AIDA: variants seen among roughly 807,000 people sequenced by gnomAD.
AIDA encodes axin interactor, dorsalization-associated protein.
AIDA carries 18 observed loss-of-function variants against 42.7 expected under a neutral mutation model. That is an observed-to-expected ratio of 0.42 (90% CI 0.29 to 0.63). AIDA has a LOEUF of 0.63. AIDA is among the 20% of genes least tolerant of loss of function. The pLI is 0.19. For synonymous variants in AIDA, 104 were observed against 122.9 expected (o/e 0.85, Z 1.02); for missense variants, 250 against 354.1 (o/e 0.71, Z 2.36).
chr1:222,677,344 C>T (rs963151199), intron 6 of AIDA, among the ~76,000 whole-genome samples: 25 of 152,186 alleles, frequency 1.6e-4, no homozygotes, highest in African/African-American at 6.0e-4. Context: ...GTTCTAAATA[C>T]ATATTCATAA....
intron 2 of AIDA, among the ~76,000 whole-genome samples, chr1:222,694,730 G>A (rs1025677083): frequency 6.6e-6 from 1 of 152,118 alleles, no homozygotes; most frequent in Non-Finnish European, 1.5e-5. Flanking sequence ...TGTGATAAAC[G>A]GTAGTAAATT....
In AIDA at chr1:222,711,148, A is replaced by G. The variant is rs1284125141; in HGVS notation, c.110+1060T>C. Among the ~76,000 whole-genome samples the G allele has an allele frequency of 2.6e-5, 4 of 152,192 alleles. No individual in the cohort carries two copies. In the East Asian group the frequency reaches 7.7e-4, roughly 29 times the overall value. ...CTCATACGTGGTTTCATACTCAGTG[A>G]AATCTCAAACAATAACTTGCTTTAA... is the stretch of plus-strand genomic sequence containing the variant. On this transcript the variant is annotated intron_variant, in intron 1 of 9. Coordinates refer to ENST00000340020, the MANE Select transcript of AIDA (RefSeq NM_022831.4).
chr1:222,680,658 C>G (rs1405457838), intron 6 of AIDA, among the ~76,000 whole-genome samples: 1 of 152,190 alleles, frequency 6.6e-6, no homozygotes, highest in African/African-American at 2.4e-5. Context: ...TTTATCAATG[C>G]AGCAATGGAT....
intron 6 of AIDA, among the ~76,000 whole-genome samples, chr1:222,678,630 A>G (rs1664598042): frequency 6.6e-6 from 1 of 152,166 alleles, no homozygotes; most frequent in Admixed American, 6.5e-5. Flanking sequence ...AAGATACTTA[A>G]TTTATTCAGT....
chr1:222,685,290 T>G (rs1207601771), intron 6 of AIDA, among the ~76,000 whole-genome samples: 2 of 152,208 alleles, frequency 1.3e-5, no homozygotes, highest in Non-Finnish European at 2.9e-5. Flanking sequence ...CACAGTAACC[T>G]TATGAGTTAG....
intron 1 of AIDA, 72 bp from the exon 2 acceptor site, chr1:222,703,289 G>A (rs1212487594): frequency 2.4e-5 from 28 of 1,180,970 alleles, no homozygotes; most frequent in Non-Finnish European, 3.2e-5. Flanking sequence ...ACAATTTAAA[G>A]CTTTTTAACA....
At chr1:222,670,062 A>T in intron 9 of AIDA, 71 bp downstream of exon 9, 2 of 1,607,840 alleles carry the variant, frequency 1.2e-6, no homozygotes, top group South Asian at 1.1e-5. Flanking sequence ...AATACTGGAT[A>T]TGGGGGATTC....
At chr1:222,710,074 GTCAAT>G (rs1310067812) in intron 1 of AIDA, among the ~76,000 whole-genome samples, 1 of 152,086 alleles carries the variant, frequency 6.6e-6, no homozygotes, top group Admixed American at 6.6e-5. Context: ...ACTAAATCCT[GTCAAT>G]TCTTGTTTAC....
intron 1 of AIDA, among the ~76,000 whole-genome samples, chr1:222,707,372 G>A (rs1240153546): frequency 1.3e-5 from 2 of 152,102 alleles, no homozygotes; most frequent in Non-Finnish European, 2.9e-5. Context: ...TGCCAAGGCT[G>A]GTCTTGAACT....
intron 2 of AIDA, among the ~76,000 whole-genome samples, chr1:222,695,659 CAT>C (rs202164147): frequency 0.014 from 2,073 of 151,786 alleles, 51 homozygotes; most frequent in African/African-American, 0.048. Flanking sequence ...ATATAAGAAA[CAT>C]ATATCAGGGC....
chr1:222,698,832 T>C (rs1015586247), intron 2 of AIDA, among the ~76,000 whole-genome samples: 3 of 151,820 alleles, frequency 2.0e-5, no homozygotes, highest in African/African-American at 7.3e-5. Flanking sequence ...ATGTTTTGTG[T>C]TTGTTTGTTT....
At chr1:222,689,469 A>ATGTGTG (rs770894575) in intron 4 of AIDA, among the ~76,000 whole-genome samples, 852 of 61,216 alleles carry the variant, frequency 0.014, 25 homozygotes, top group African/African-American at 0.045. Flanking sequence ...GAAAATATGT[A>ATGTGTG]TGTGTGTGTG....
intron 7 of AIDA, 63 bp downstream of exon 7, chr1:222,676,033 C>T: frequency 6.7e-7 from 1 of 1,500,916 alleles, no homozygotes; most frequent in South Asian, 1.4e-5. Flanking sequence ...ATAAAACTGT[C>T]CCAAATGAGA....
At chr1:222,683,050 G>T (rs1664680916) in intron 6 of AIDA, among the ~76,000 whole-genome samples, 1 of 152,076 alleles carries the variant, frequency 6.6e-6, no homozygotes, top group Admixed American at 6.6e-5. Flanking sequence ...AGGAACATGG[G>T]TTCCTCAAGC....
intron 7 of AIDA, among the ~76,000 whole-genome samples, chr1:222,674,423 T>G (rs1453066509): frequency 1.3e-5 from 2 of 152,266 alleles, no homozygotes; most frequent in Non-Finnish European, 2.9e-5. Context: ...CAATAAAAAC[T>G]TAGAATGTAA....
intron 1 of AIDA, among the ~76,000 whole-genome samples, chr1:222,706,833 T>C (rs1198641022): frequency 9.3e-6 from 1 of 107,110 alleles, no homozygotes; most frequent in Non-Finnish European, 1.8e-5. Context: ...CCGCCCAGGG[T>C]AACAGAGTGG....
chr1:222,698,972 C>A (rs112377094), intron 2 of AIDA, among the ~76,000 whole-genome samples: 5,655 of 151,274 alleles, frequency 0.037, 145 homozygotes, highest in East Asian at 0.13. Context: ...ACTACAGGTG[C>A]CCGCCACCAC....
chr1:222,687,108 C>T (rs1655217163), intron 5 of AIDA, 72 bp from the exon 6 acceptor site: 2 of 1,556,084 alleles, frequency 1.3e-6, no homozygotes, highest in East Asian at 2.4e-5. Flanking sequence ...CACAGACACT[C>T]GTTTCCCAGG....
intron 8 of AIDA, among the ~76,000 whole-genome samples, chr1:222,672,625 G>A (rs1049274881): frequency 6.6e-6 from 1 of 152,180 alleles, no homozygotes; most frequent in African/African-American, 2.4e-5. Context: ...GTCTTTTAGT[G>A]GGGGAACAGA....
Sources: allele counts gnomAD v4.1 joint callset (sites outside exome capture counted in the v4.1 genomes callset), GRCh38; gene constraint gnomAD v4.1.1; transcripts MANE v1.5; gene names NCBI Gene and HGNC (gene_info 2026-07-23, HGNC 2026-07-21).